ZNF536: variants seen among roughly 807,000 people sequenced by gnomAD.
ZNF536 encodes zinc finger protein 536.
A neutral mutation model predicts 84.5 loss-of-function variants in ZNF536; 13 were observed. The ratio of observed to expected loss-of-function variants is 0.15; its 90% confidence interval spans 0.10 to 0.24. ZNF536 has a LOEUF of 0.24. ZNF536 is among the 10% of genes least tolerant of loss of function. The pLI is 1.00. For missense variants in ZNF536, 1,536 were observed against 1,747.5 expected (o/e 0.88, Z 2.16); for synonymous variants, 811 against 742.5 (o/e 1.09, Z -1.50).
chr19:30,434,158 G>T (rs2148012763), intron 1 of ZNF536, among the ~76,000 whole-genome samples: 1 of 152,334 alleles, frequency 6.6e-6, no homozygotes, highest in East Asian at 1.9e-4. Flanking sequence ...CTCCAGTCTA[G>T]TTGGGGGAAT....
At chr19:30,239,462 C>T (rs545340080) in intron 1 of ZNF536, among the ~76,000 whole-genome samples, 6 of 152,306 alleles carry the variant, frequency 3.9e-5, no homozygotes, top group South Asian at 4.1e-4. Context: ...ACTCTTGGCA[C>T]GTGGCCTGGA....
At chr19:30,542,578 C>T (rs1297271814) in intron 3 of ZNF536, among the ~76,000 whole-genome samples, 2 of 152,006 alleles carry the variant, frequency 1.3e-5, no homozygotes, top group Non-Finnish European at 2.9e-5. Flanking sequence ...TTGTTTGGGC[C>T]CACATCTTAC....
intron 3 of ZNF536, among the ~76,000 whole-genome samples, chr19:30,539,590 T>C (rs1185648266): frequency 6.6e-6 from 1 of 152,138 alleles, no homozygotes; most frequent in African/African-American, 2.4e-5. Flanking sequence ...AGGGCGCATG[T>C]CCCCAGAGTC....
intron 1 of ZNF536, among the ~76,000 whole-genome samples, chr19:30,272,075 G>A (rs1000642617): frequency 9.9e-5 from 15 of 152,146 alleles, no homozygotes; most frequent in African/African-American, 3.6e-4. Context: ...GGCTTCTGAA[G>A]GATCCCAAGT....
At chr19:30,669,972 G>A (rs1470778152) in intron 1 of ZNF536, among the ~76,000 whole-genome samples, 2 of 152,188 alleles carry the variant, frequency 1.3e-5, no homozygotes, top group East Asian at 3.9e-4. Context: ...AAAGAGCTGA[G>A]CCCAGAGTCA....
At chr19:30,701,510 C>G (rs1165035545) in intron 1 of ZNF536, among the ~76,000 whole-genome samples, 6 of 88,828 alleles carry the variant, frequency 6.8e-5, no homozygotes, top group African/African-American at 1.4e-4. Flanking sequence ...CACAAAAACT[C>G]ACAAACACAC....
intron 1 of ZNF536, among the ~76,000 whole-genome samples, chr19:30,268,087 A>G (rs919310548): frequency 4.1e-5 from 2 of 48,624 alleles, no homozygotes; most frequent in South Asian, 1.6e-3. Flanking sequence ...CCTCCCCCCC[A>G]GATATATTAG....
At chr19:30,332,222 A>G in intron 2 of ZNF536, among the ~76,000 whole-genome samples, 1 of 152,082 alleles carries the variant, frequency 6.6e-6, no homozygotes, top group Non-Finnish European at 1.5e-5. Context: ...TCTCCATTAA[A>G]ATGCAGAAGT....
intron 2 of ZNF536, among the ~76,000 whole-genome samples, chr19:30,525,524 TCTC>T (rs760104017): frequency 1.3e-5 from 2 of 152,198 alleles, no homozygotes; most frequent in African/African-American, 2.4e-5. Context: ...TGGCCCCTGT[TCTC>T]CTGGAGCTGA....
At chr19:30,419,796 A>T (rs1020968767) in intron 1 of ZNF536, among the ~76,000 whole-genome samples, 3 of 152,206 alleles carry the variant, frequency 2.0e-5, no homozygotes, top group Non-Finnish European at 4.4e-5. Flanking sequence ...TTCTCTCACC[A>T]TGGCTCTCCC....
intron 1 of ZNF536, among the ~76,000 whole-genome samples, chr19:30,272,584 CT>C (rs2025913307): frequency 6.6e-6 from 1 of 152,238 alleles, no homozygotes; most frequent in African/African-American, 2.4e-5. Flanking sequence ...CCCTCTTCCC[CT>C]GAACCTCTGG....
intron 2 of ZNF536, among the ~76,000 whole-genome samples, chr19:30,293,786 A>C (rs140603543): frequency 9.2e-5 from 14 of 152,314 alleles, no homozygotes; most frequent in African/African-American, 3.4e-4. Flanking sequence ...TCATCCTTGA[A>C]AATGTGCAGC....
At chr19:30,370,963 T>C (rs1289238439), upstream of ZNF536, among the ~76,000 whole-genome samples, 1 of 152,204 alleles carries the variant, frequency 6.6e-6, no homozygotes, top group Non-Finnish European at 1.5e-5. Context: ...GTGTAAAAAA[T>C]CACGTTCATT....
chr19:30,696,360 C>T (rs550677267), intron 1 of ZNF536, among the ~76,000 whole-genome samples: 1 of 152,308 alleles, frequency 6.6e-6, no homozygotes, highest in South Asian at 2.1e-4. Context: ...TCTTTAAAGA[C>T]TAAATGCACT....
rs775309484 is a variant in ZNF536, at chr19:30,548,279, G to A, written c.2660G>A (p.Gly887Asp). The A allele has an allele frequency of 6.2e-7, 1 of 1,614,214 alleles. No individual in the cohort carries two copies. The highest frequency in any genetic ancestry group is 8.5e-7 in the Non-Finnish European group (1 of 1,180,052). ...SSEVPSDALKGTDLPSKSTHF... is the reference protein window; with the variant it reads ...SSEVPSDALKDTDLPSKSTHF... ...GAGGTCCCCTCAGATGCTCTGAAAG[G>A]CACTGACCTTCCTTCCAAAAGCACC... is the stretch of plus-strand genomic sequence containing the variant. Residue 887 changes from glycine (G) to aspartate (D), a missense_variant, in exon 4 of 5, where the codon GGC becomes GAC. Transcript: ENST00000355537.
intron 1 of ZNF536, among the ~76,000 whole-genome samples, chr19:30,617,507 C>T (rs953475331): frequency 9.2e-5 from 14 of 151,542 alleles, no homozygotes; most frequent in Middle Eastern, 3.4e-3. Context: ...CCTGCCACCA[C>T]GCCTGGCTAA....
intron 1 of ZNF536, among the ~76,000 whole-genome samples, chr19:30,644,679 C>T (rs1042962886): frequency 2.6e-5 from 4 of 152,158 alleles, no homozygotes; most frequent in Non-Finnish European, 5.9e-5. Flanking sequence ...ATCCATGTCC[C>T]TACAAAAGAC....
chr19:30,271,294 CTTTTCTTTTTT>C (rs1300598664), intron 1 of ZNF536, among the ~76,000 whole-genome samples: 2 of 103,198 alleles, frequency 1.9e-5, no homozygotes, highest in African/African-American at 7.1e-5. Context: ...GTGTTTTTTT[CTTTTCTTTTTT>C]TTTTTTTTTT....
At chr19:30,436,386 C>A in intron 1 of ZNF536, 1 of 543,258 alleles carries the variant, frequency 1.8e-6, no homozygotes, top group Non-Finnish European at 2.3e-6. Flanking sequence ...GGCAAATAAA[C>A]CACTCAGTAT....
Sources: gnomAD v4.1 joint callset for allele counts (sites outside exome capture counted in the v4.1 genomes callset) on GRCh38, gnomAD v4.1.1 for gene constraint, MANE v1.5 for transcripts, NCBI Gene and HGNC (gene_info 2026-07-23, HGNC 2026-07-21) for gene names.